Variants in FAAH2 observed in about 807,000 individuals in gnomAD.
The protein encoded by FAAH2 is fatty acid amide hydrolase 2.
FAAH2 carries 60 observed loss-of-function variants against 36.9 expected under a neutral mutation model. The ratio of observed to expected loss-of-function variants is 1.63; its 90% CI spans 1.32 to 2.02. The LOEUF (loss-of-function observed/expected upper bound fraction) is 2.02. Ranked by LOEUF, FAAH2 falls within the 30% of genes most tolerant of loss-of-function variation. FAAH2 has a pLI of 0.00. For missense variants in FAAH2, 689 were observed against 397.5 expected (o/e 1.73, Z -6.23); for synonymous variants, 214 against 143.8 (o/e 1.49, Z -3.49).
intron 5 of FAAH2, among the ~76,000 whole-genome samples, chrX:57,352,137 T>C (rs1380959486): frequency 1.3e-5 from 1 of 74,194 alleles, no homozygotes; most frequent in African/African-American, 5.0e-5. Context: ...TATATATATG[T>C]GTATATATAT....
chrX:57,395,390 A>G (rs2055270196), intron 7 of FAAH2: 2 of 719,278 alleles, frequency 2.8e-6, no homozygotes, highest in Admixed American at 2.3e-5. Flanking sequence ...CTTCCTGTTC[A>G]GGATTTCTGC....
chrX:57,435,271 C>A (rs1447538028), intron 8 of FAAH2, among the ~76,000 whole-genome samples: 1 of 111,438 alleles, frequency 9.0e-6, no homozygotes, highest in African/African-American at 3.3e-5. Context: ...ACCATAAAGA[C>A]AAACAGAGAA....
At chrX:57,445,211 G>A (rs952547219) in intron 8 of FAAH2, among the ~76,000 whole-genome samples, 1 of 111,702 alleles carries the variant, frequency 9.0e-6, no homozygotes, top group African/African-American at 3.3e-5. Flanking sequence ...AGTAGGTGGC[G>A]TCTTAAGCTG....
At chrX:57,443,296 G>A (rs1016606887) in intron 8 of FAAH2, among the ~76,000 whole-genome samples, 1 of 111,581 alleles carries the variant, frequency 9.0e-6, no homozygotes, top group Non-Finnish European at 1.9e-5. Context: ...ATTTCTTGGA[G>A]GCTTTGTTCA....
the FAAH2 span, among the ~76,000 whole-genome samples, chrX:57,250,790 C>A: frequency 2.7e-5 from 3 of 109,316 alleles, no homozygotes; most frequent in African/African-American, 6.7e-5. Context: ...AAACATTCAA[C>A]CTAAAAAGAC....
At chrX:57,418,183 G>A (rs768652821) in intron 7 of FAAH2, among the ~76,000 whole-genome samples, 8 of 111,761 alleles carry the variant, frequency 7.2e-5, no homozygotes, top group Non-Finnish European at 1.1e-4. Flanking sequence ...GGTGGAATTC[G>A]GTGAGCTAGA....
chrX:57,195,876 G>A, the FAAH2 span, among the ~76,000 whole-genome samples: 1 of 112,015 alleles, frequency 8.9e-6, no homozygotes, highest in African/African-American at 3.2e-5. Flanking sequence ...CTTACTTTAT[G>A]TTTCTGTTTG....
chrX:57,254,984 G>T, the FAAH2 span, among the ~76,000 whole-genome samples: 1 of 111,459 alleles, frequency 9.0e-6, no homozygotes, highest in African/African-American at 3.3e-5. Flanking sequence ...GAATCCAGGA[G>T]CTGGTTTTTT....
chrX:57,384,309 C>T (rs5960263), intron 7 of FAAH2, among the ~76,000 whole-genome samples: 45,956 of 95,884 alleles, frequency 0.48, 12,690 homozygotes, highest in Non-Finnish European at 0.7. Flanking sequence ...GCAACAAAAG[C>T]CAAAATTGAC....
chrX:57,459,335 C>T (rs759511324), intron 10 of FAAH2, among the ~76,000 whole-genome samples: 1 of 112,302 alleles, frequency 8.9e-6, no homozygotes, highest in East Asian at 2.8e-4. Flanking sequence ...CAGGCAGGGG[C>T]TTATAGATAA....
At chrX:57,443,545 G>A (rs1037446241) in intron 8 of FAAH2, among the ~76,000 whole-genome samples, 4 of 111,519 alleles carry the variant, frequency 3.6e-5, no homozygotes, top group East Asian at 2.8e-4. Flanking sequence ...TCTTTGTGAC[G>A]CGTTCGAAGA....
At chrX:57,146,816 A>C in the FAAH2 span, among the ~76,000 whole-genome samples, 1 of 111,849 alleles carries the variant, frequency 8.9e-6, no homozygotes, top group African/African-American at 3.2e-5. Flanking sequence ...TCATCTATTG[A>C]GACAATCAGG....
intron 10 of FAAH2, among the ~76,000 whole-genome samples, 148 bp from the exon 11 acceptor site, chrX:57,488,603 AATACAG>A (rs1211404029): frequency 8.9e-6 from 1 of 112,243 alleles, no homozygotes; most frequent in African/African-American, 3.2e-5. Context: ...TCAAATATTT[AATACAG>A]ATAAAGTTCC....
At chrX:57,442,233 T>C (rs1025630610) in intron 8 of FAAH2, among the ~76,000 whole-genome samples, 6 of 110,917 alleles carry the variant, frequency 5.4e-5, no homozygotes, top group African/African-American at 1.6e-4. Context: ...ATTATTATTG[T>C]GTGGGAGTCT....
At chrX:57,219,601 A>G in the FAAH2 span, among the ~76,000 whole-genome samples, 1 of 112,040 alleles carries the variant, frequency 8.9e-6, no homozygotes, top group African/African-American at 3.2e-5. Context: ...GCACCCGATA[A>G]TTATCTAGTC....
At chrX:57,464,887 A>T (rs1450230932) in intron 10 of FAAH2, among the ~76,000 whole-genome samples, 1 of 111,525 alleles carries the variant, frequency 9.0e-6, no homozygotes, top group African/African-American at 3.2e-5. Context: ...ACAAAAACAA[A>T]ATCAGGCAAT....
At chrX:57,153,709 G>A in the FAAH2 span, among the ~76,000 whole-genome samples, 17 of 112,512 alleles carry the variant, frequency 1.5e-4, no homozygotes, top group South Asian at 2.9e-3. Flanking sequence ...CTTCTAGCTC[G>A]TAGAGTTTCT....
intron 5 of FAAH2, among the ~76,000 whole-genome samples, chrX:57,353,246 G>A (rs181843739): frequency 1.8e-5 from 2 of 109,669 alleles, no homozygotes; most frequent in Admixed American, 9.8e-5. Context: ...TAAAAAAACA[G>A]ATGCATAGGT....
At chrX:57,272,989 C>T in the FAAH2 span, among the ~76,000 whole-genome samples, 3 of 111,877 alleles carry the variant, frequency 2.7e-5, no homozygotes, top group East Asian at 8.4e-4. Context: ...AAAGTCAAGA[C>T]ACCTCAGTGT....
Sources: allele counts gnomAD v4.1 joint callset (sites outside exome capture counted in the v4.1 genomes callset), GRCh38; gene constraint gnomAD v4.1.1; transcripts MANE v1.5; gene names NCBI Gene and HGNC (gene_info 2026-07-23, HGNC 2026-07-21).